Variants in PTPRM observed in about 807,000 individuals in gnomAD.
The protein encoded by PTPRM is receptor-type tyrosine-protein phosphatase mu.
PTPRM carries 47 observed loss-of-function variants against 186.7 expected under a neutral mutation model. That is an observed-to-expected ratio of 0.25 (90% CI 0.20 to 0.32). The LOEUF is 0.32. Ranked by LOEUF, PTPRM falls within the 10% of genes least tolerant of loss-of-function variation. The pLI, the probability that PTPRM is intolerant of heterozygous loss-of-function variation, is 1.00. For synonymous variants in PTPRM, 668 were observed against 674.9 expected (o/e 0.99, Z 0.16); for missense variants, 1,494 against 1,865.0 (o/e 0.80, Z 3.66).
intron 13 of PTPRM, among the ~76,000 whole-genome samples, chr18:8,139,821 A>C (rs1012559736): frequency 6.6e-6 from 1 of 151,786 alleles, no homozygotes; most frequent in African/African-American, 2.4e-5. Flanking sequence ...TTTTCTCTAC[A>C]GCTAGCCTGG....
Position 7,567,703 on chromosome 18 carries a change from C to T in PTPRM, c.-116C>T. 6.5e-6 allele frequency: 6 copies of T among 929,126 alleles called. No homozygotes were observed. The highest frequency in any genetic ancestry group is 9.1e-6 in the Non-Finnish European group (6 of 661,888). 57.6% of individuals were successfully genotyped at this position (929,126 alleles called of 1,614,324 possible). On this transcript the variant is annotated 5_prime_UTR_variant, in exon 1 of 33. Coordinates refer to ENST00000580170, the MANE Select transcript of PTPRM (RefSeq NM_001105244.2). This position sits in a 1 kb window ranked among gnomAD's most constrained non-coding sequence, Gnocchi z 4.3. Reference sequence around the variant, plus strand: ...TTGGCACTTTGGGGGCTTGGCTTAGCGCTCTGCTGTTTACCCGTCTCTCCT... The same window carrying T: ...TTGGCACTTTGGGGGCTTGGCTTAGTGCTCTGCTGTTTACCCGTCTCTCCT...
chr18:8,108,804 T>C (rs2091634849), intron 11 of PTPRM, among the ~76,000 whole-genome samples: 1 of 152,222 alleles, frequency 6.6e-6, no homozygotes, highest in Non-Finnish European at 1.5e-5. Context: ...GTTGGCAGAT[T>C]CATCCTCACT....
chr18:7,925,843 G>T (rs1185415406), intron 4 of PTPRM, among the ~76,000 whole-genome samples: 1 of 152,206 alleles, frequency 6.6e-6, no homozygotes, highest in Non-Finnish European at 1.5e-5. Flanking sequence ...GTGTGATGCA[G>T]AAATTGGCCT....
chr18:8,267,608 T>C (rs758827565), intron 19 of PTPRM, among the ~76,000 whole-genome samples: 5 of 152,210 alleles, frequency 3.3e-5, no homozygotes, highest in Admixed American at 6.5e-5. Flanking sequence ...TAAATAACTC[T>C]TAAGATTTAC....
chr18:7,840,326 T>G (rs976574444), intron 2 of PTPRM, among the ~76,000 whole-genome samples: 2 of 152,162 alleles, frequency 1.3e-5, no homozygotes, highest in Admixed American at 6.5e-5. Flanking sequence ...ATTCTAGATA[T>G]TTTTTCAAGA....
intron 2 of PTPRM, among the ~76,000 whole-genome samples, chr18:7,801,153 G>A (rs1411601430): frequency 6.6e-6 from 1 of 151,986 alleles, no homozygotes; most frequent in African/African-American, 2.4e-5. Context: ...TTAGCCTACT[G>A]TACTGTTATT....
intron 22 of PTPRM, among the ~76,000 whole-genome samples, chr18:8,341,079 T>G (rs1331710743): frequency 3.5e-5 from 3 of 84,792 alleles, no homozygotes; most frequent in Non-Finnish European, 7.9e-5. Context: ...GGCTGTGCTG[T>G]GAGGACAGTG....
In PTPRM at chr18:7,864,378, G is replaced by A. The variant is rs558530346; in HGVS notation, c.197-23728G>A. Among the ~76,000 whole-genome samples the A allele has an allele frequency of 5.8e-4, 88 of 152,176 alleles. 1 individual carries two copies. The highest frequency in any genetic ancestry group is 1.5e-4 in the Non-Finnish European group (10 of 68,026). On this transcript the variant is annotated intron_variant, in intron 2 of 32. Transcript: ENST00000580170. ...CATTTTGAGTTAATTTTTGTGTAAG[G>A]TGTAAGGAAGGTGTCCAGTTTCAGT...
intron 20 of PTPRM, among the ~76,000 whole-genome samples, chr18:8,301,438 C>T (rs146611914): frequency 6.6e-6 from 1 of 152,324 alleles, no homozygotes; most frequent in Non-Finnish European, 1.5e-5. Context: ...CACACCAAAT[C>T]TCCCTGCTAA....
chr18:8,263,849 C>T (rs753818800), intron 19 of PTPRM, among the ~76,000 whole-genome samples: 2 of 152,200 alleles, frequency 1.3e-5, no homozygotes, highest in South Asian at 2.1e-4. Context: ...GTCCTACGCA[C>T]CTGTTCGTGT....
chr18:8,158,269 T>C lies in PTPRM; in HGVS notation c.2300+14490T>C, dbSNP rs531504468. Among the ~76,000 whole-genome samples, 5 of 152,358 alleles carry C rather than the reference T, an allele frequency of 3.3e-5. No individual in the cohort carries two copies. The East Asian group carries it at 9.6e-4, about 29-fold the overall frequency. On this transcript the variant is annotated intron_variant, in intron 14 of 32. Coordinates refer to ENST00000580170, the MANE Select transcript of PTPRM (RefSeq NM_001105244.2). ...TACTAAAATTGATCATTCTTCACAG[T>C]TGATGTCTCAAGATGGAGTGTGTTG...
chr18:7,626,466 A>G (rs1327673616), intron 1 of PTPRM, among the ~76,000 whole-genome samples: 3 of 152,098 alleles, frequency 2.0e-5, no homozygotes, highest in Admixed American at 6.5e-5. Flanking sequence ...AATGACTCCA[A>G]CTGTCAGCCT....
At chr18:8,172,013 A>G (rs2093408435) in intron 14 of PTPRM, among the ~76,000 whole-genome samples, 1 of 152,222 alleles carries the variant, frequency 6.6e-6, no homozygotes, top group South Asian at 2.1e-4. Context: ...TTTCTACTGA[A>G]TGCGGATAGC....
At position 8,367,418 on chromosome 18, in the gene PTPRM, C is replaced by T. The variant is rs2095637608; in HGVS notation, c.3055-3472C>T. ...CAATTACCGCCGGGTCGGAGGCATC[C>T]GGGCGGTGCGAAGTCAGCACCGTGC... On this transcript the variant is annotated intron_variant, in intron 23 of 32. Transcript: ENST00000580170. Among the ~76,000 whole-genome samples, 3 of 152,248 alleles carry T rather than the reference C, an allele frequency of 2.0e-5. No homozygotes were observed. The South Asian group carries it at 6.2e-4, about 32-fold the overall frequency.
intron 20 of PTPRM, among the ~76,000 whole-genome samples, chr18:8,312,415 C>G (rs2095276179): frequency 6.6e-6 from 1 of 152,080 alleles, no homozygotes; most frequent in South Asian, 2.1e-4. Flanking sequence ...ATTCTGACTG[C>G]CGGTGAGTCT....
chr18:8,171,984 A>G (rs905849762), intron 14 of PTPRM, among the ~76,000 whole-genome samples: 9 of 152,176 alleles, frequency 5.9e-5, no homozygotes, highest in African/African-American at 2.2e-4. Context: ...GAATGGTTGT[A>G]TGGATACTCG....
chr18:7,736,220 G>A (rs2040768562), intron 1 of PTPRM, among the ~76,000 whole-genome samples: 1 of 152,172 alleles, frequency 6.6e-6, no homozygotes, highest in Non-Finnish European at 1.5e-5. Flanking sequence ...GGCATAAGAA[G>A]GGTCACAACT....
intron 1 of PTPRM, among the ~76,000 whole-genome samples, chr18:7,642,640 C>T (rs1056691281): frequency 6.6e-6 from 1 of 151,892 alleles, no homozygotes; most frequent in Non-Finnish European, 1.5e-5. Flanking sequence ...TTCCTCTTTG[C>T]ACTTCCCTTT....
At chr18:7,786,985 C>T (rs2145158194) in intron 2 of PTPRM, among the ~76,000 whole-genome samples, 1 of 152,314 alleles carries the variant, frequency 6.6e-6, no homozygotes, top group African/African-American at 2.4e-5. Flanking sequence ...TTGAATTGAT[C>T]TGAGTCTTGC....
Sources: allele counts gnomAD v4.1 joint callset (sites outside exome capture counted in the v4.1 genomes callset), GRCh38; gene constraint gnomAD v4.1.1; non-coding constraint Gnocchi (gnomAD v3.1); transcripts MANE v1.5; gene names NCBI Gene and HGNC (gene_info 2026-07-23, HGNC 2026-07-21).